Variants in TGFBRAP1 observed in about 807,000 individuals in gnomAD.
TGFBRAP1 encodes the protein transforming growth factor beta receptor associated protein 1, also known as transforming growth factor-beta receptor-associated protein 1.
TGFBRAP1 carries 20 observed loss-of-function variants against 83.2 expected under a neutral mutation model. The ratio of observed to expected loss-of-function variants is 0.24; its 90% CI spans 0.17 to 0.35. TGFBRAP1 has a LOEUF of 0.35. Among genes scored for constraint, TGFBRAP1 ranks in the 10% least tolerant of loss-of-function variants. TGFBRAP1 has a pLI of 1.00. For synonymous variants in TGFBRAP1, 415 were observed against 459.8 expected (o/e 0.90, Z 1.25); for missense variants, 950 against 1,099.4 (o/e 0.86, Z 1.92).
chr2:105,298,765 T>C, intron 2 of TGFBRAP1, 60 bp from the exon 3 acceptor site: 1 of 1,482,688 alleles, frequency 6.7e-7, no homozygotes, highest in Admixed American at 2.2e-5. Context: ...CATTTTCCTG[T>C]AGCTATGTCT....
intron 1 of TGFBRAP1, among the ~76,000 whole-genome samples, chr2:105,317,955 C>T (rs1678937082): frequency 6.6e-6 from 1 of 152,136 alleles, no homozygotes; most frequent in Admixed American, 6.5e-5. Flanking sequence ...ATTAAATTGA[C>T]AAATATTTGA....
chr2:105,261,716 C>A (rs1197584500), downstream of TGFBRAP1, among the ~76,000 whole-genome samples: 1 of 152,144 alleles, frequency 6.6e-6, no homozygotes, highest in African/African-American at 2.4e-5. Flanking sequence ...CACGCCACTG[C>A]ACTCCAGCCT....
chr2:105,251,233 T>A, the TGFBRAP1 span, among the ~76,000 whole-genome samples: 1 of 140,268 alleles, frequency 7.1e-6, no homozygotes, highest in South Asian at 2.4e-4. Flanking sequence ...CGCCACCCCG[T>A]CTGGGAAGTG....
At chr2:105,286,328 A>G (rs1027276790) in intron 4 of TGFBRAP1, among the ~76,000 whole-genome samples, 10 of 152,200 alleles carry the variant, frequency 6.6e-5, no homozygotes, top group African/African-American at 2.4e-4. Context: ...GCCTGATCAG[A>G]AATTTTACCA....
chr2:105,286,078 C>T (rs1677710659), intron 4 of TGFBRAP1, among the ~76,000 whole-genome samples: 2 of 152,192 alleles, frequency 1.3e-5, no homozygotes, highest in Admixed American at 1.3e-4. Context: ...CAATTTATTC[C>T]TTATGGCGGT....
chr2:105,277,757 TC>T, intron 6 of TGFBRAP1, 86 bp from the exon 7 acceptor site: 2 of 1,243,024 alleles, frequency 1.6e-6, no homozygotes, highest in Non-Finnish European at 2.4e-6. Context: ...CAGTCCAAGC[TC>T]CCCATATTCT....
chr2:105,252,913 C>T, the TGFBRAP1 span, among the ~76,000 whole-genome samples: 6 of 151,040 alleles, frequency 4.0e-5, no homozygotes, highest in South Asian at 2.1e-4. Flanking sequence ...CCACCACACC[C>T]GGACAATTTT....
chr2:105,306,470 G>A (rs1558648534), intron 2 of TGFBRAP1, among the ~76,000 whole-genome samples: 2 of 152,100 alleles, frequency 1.3e-5, no homozygotes, highest in South Asian at 2.1e-4. Context: ...GAAAAGGGAG[G>A]TCTGGAAAAT....
At chr2:105,292,089 T>G (rs1355094859) in intron 4 of TGFBRAP1, among the ~76,000 whole-genome samples, 1 of 152,204 alleles carries the variant, frequency 6.6e-6, no homozygotes, top group Admixed American at 6.6e-5. Context: ...CAAGAGACAG[T>G]GTCCCCATAT....
At chr2:105,271,987 G>C (rs1677171769) in intron 10 of TGFBRAP1, among the ~76,000 whole-genome samples, 1 of 152,156 alleles carries the variant, frequency 6.6e-6, no homozygotes, top group African/African-American at 2.4e-5. Context: ...GTGTAGTGCT[G>C]AAGTGCTGCC....
intron 1 of TGFBRAP1, among the ~76,000 whole-genome samples, chr2:105,324,704 G>A (rs534954846): frequency 6.6e-6 from 1 of 152,240 alleles, no homozygotes; most frequent in South Asian, 2.1e-4. Context: ...ATTGGGTTGG[G>A]GTGAATGTGA....
At chr2:105,306,282 G>A (rs1293638822) in intron 2 of TGFBRAP1, among the ~76,000 whole-genome samples, 5 of 151,338 alleles carry the variant, frequency 3.3e-5, no homozygotes, top group African/African-American at 9.7e-5. Context: ...GGATGGTCTC[G>A]AACTCCCCAC....
chr2:105,321,643 C>T (rs993156739), intron 1 of TGFBRAP1, among the ~76,000 whole-genome samples: 1 of 152,176 alleles, frequency 6.6e-6, no homozygotes, highest in Admixed American at 6.5e-5. Flanking sequence ...AACACAGTGG[C>T]GTGCTGTATA....
the TGFBRAP1 span, among the ~76,000 whole-genome samples, chr2:105,255,969 C>G: frequency 6.6e-6 from 1 of 152,194 alleles, no homozygotes; most frequent in Non-Finnish European, 1.5e-5. Context: ...AACAACCAAC[C>G]TGTTCAGCAG....
intron 2 of TGFBRAP1, among the ~76,000 whole-genome samples, chr2:105,304,317 A>G (rs540002225): frequency 6.6e-6 from 1 of 152,346 alleles, no homozygotes; most frequent in South Asian, 2.1e-4. Context: ...TACCAGGTTC[A>G]TTATGCTATT....
intron 1 of TGFBRAP1, among the ~76,000 whole-genome samples, chr2:105,315,684 T>C (rs915772358): frequency 6.6e-6 from 1 of 152,162 alleles, no homozygotes; most frequent in Non-Finnish European, 1.5e-5. Context: ...AGAGCTACCA[T>C]TAAAAAGATC....
In TGFBRAP1 at chr2:105,269,442, T is replaced by G; in HGVS notation, c.2236A>C (p.Thr746Pro). ...AAVDLLNRHA[T>P]EFDAAQVLQM... Reference sequence around the variant, plus strand: ...AGCACCTGGGCTGCATCAAATTCGGTGGCGTGGCGGTTCAGCAGGTCCACG... The same window carrying G: ...AGCACCTGGGCTGCATCAAATTCGGGGGCGTGGCGGTTCAGCAGGTCCACG... Residue 746 changes from threonine to proline, a missense_variant, in exon 11 of 12, where the codon ACC becomes CCC. Transcript: ENST00000393359. The surrounding 1 kb of genome is among the most constrained non-coding windows in gnomAD (Gnocchi z 4.1). 1 of 1,613,812 alleles carries G rather than the reference T, an allele frequency of 6.2e-7. No individual in the cohort carries two copies. The highest frequency in any genetic ancestry group is 8.5e-7 in the Non-Finnish European group (1 of 1,179,942).
intron 2 of TGFBRAP1, among the ~76,000 whole-genome samples, chr2:105,306,061 G>GTTTT (rs67017916): frequency 1.3e-5 from 1 of 74,894 alleles, no homozygotes; most frequent in African/African-American, 4.7e-5. Flanking sequence ...TTTGTTTTTT[G>GTTTT]TTTTTTGTTT....
At chr2:105,289,750 G>A (rs546643697) in intron 4 of TGFBRAP1, among the ~76,000 whole-genome samples, 2 of 152,298 alleles carry the variant, frequency 1.3e-5, no homozygotes, top group South Asian at 2.1e-4. Flanking sequence ...AACAATAATC[G>A]AGTGAAAAGT....
Sources: gnomAD v4.1 joint callset for allele counts (sites outside exome capture counted in the v4.1 genomes callset) on GRCh38, gnomAD v4.1.1 for gene constraint, Gnocchi (gnomAD v3.1) non-coding constraint, MANE v1.5 for transcripts, NCBI Gene and HGNC (gene_info 2026-07-23, HGNC 2026-07-21) for gene names.